Variants in MON2 observed in about 807,000 individuals in gnomAD.
MON2 encodes the protein MON2 regulator of endosome-to-Golgi trafficking.
MON2 carries 84 observed loss-of-function variants against 208.6 expected under a neutral mutation model. The observed-to-expected ratio is 0.40, with a 90% CI of 0.34 to 0.48. The LOEUF (loss-of-function observed/expected upper bound fraction) is 0.48. Among genes scored for constraint, MON2 ranks in the 20% least tolerant of loss-of-function variants. The probability of loss-of-function intolerance (pLI) is 0.59; values close to 1 mark genes in which losing one functional copy is unlikely to be tolerated. For missense variants in MON2, 1,611 were observed against 2,015.4 expected, an observed-to-expected ratio of 0.80 and a Z score of 3.84; for synonymous variants, 660 against 694.0, an observed-to-expected ratio of 0.95 and a Z score of 0.77.
chr12:62,502,558 A>T (rs890088674), intron 7 of MON2, among the ~76,000 whole-genome samples: 4 of 152,194 alleles, frequency 2.6e-5, no homozygotes. Context: ...ACAATCTATT[A>T]ATAGTCAGGT....
rs935079193 is a variant in MON2, at chr12:62,495,446, GA to G, written c.435+309del. Among the ~76,000 whole-genome samples the G allele has an allele frequency of 5.1e-3, 746 of 147,360 alleles. 9 individuals are homozygous for G. Among genetic ancestry groups the G allele is most frequent in the African/African-American group, 0.017 (701 of 40,358 alleles). On this transcript the variant is annotated intron_variant, in intron 4 of 34. Transcript: ENST00000393630. ...TAAGAATAGGGAAGGAGGGAACTAA[GA>G]AAAAAAAAACATGTTGTAAGATCAC...
intron 23 of MON2, among the ~76,000 whole-genome samples, chr12:62,552,191 A>G (rs7300518): frequency 0.85 from 129,858 of 151,994 alleles, 56,109 homozygotes; most frequent in African/African-American, 0.93. Context: ...TTGGGTATGC[A>G]GTGGGAGGTC....
At chr12:62,533,255 A>G (rs762958414) in intron 12 of MON2, among the ~76,000 whole-genome samples, 1 of 152,150 alleles carries the variant, frequency 6.6e-6, no homozygotes, top group Non-Finnish European at 1.5e-5. Flanking sequence ...TACAGTATCA[A>G]TTTGTGTCAT....
intron 22 of MON2, among the ~76,000 whole-genome samples, chr12:62,547,646 T>C (rs12227568): frequency 0.38 from 58,041 of 152,090 alleles, 11,412 homozygotes; most frequent in African/African-American, 0.47. Flanking sequence ...AGTGAGAAAG[T>C]ATAGTTATAC....
At chr12:62,490,099 CTGG>C (rs770564991) in intron 2 of MON2, 636 of 650,866 alleles carry the variant, frequency 9.8e-4, no homozygotes, top group Non-Finnish European at 1.2e-3. Context: ...ATATGGGGAC[CTGG>C]TGGACCTTTT....
intron 8 of MON2, among the ~76,000 whole-genome samples, chr12:62,510,334 G>GA (rs538937950): frequency 4.1e-5 from 6 of 148,082 alleles, no homozygotes; most frequent in Non-Finnish European, 6.0e-5. Context: ...ATACTACAAG[G>GA]AAAAAAAAAC....
intron 31 of MON2, 101 bp downstream of exon 31, chr12:62,578,606 A>AGGAACAGCTCCGGTCTAC: frequency 2.7e-6 from 2 of 732,658 alleles, no homozygotes; most frequent in Non-Finnish European, 4.3e-6. Flanking sequence ...GTAATAGGTT[A>AGGAACAGCTCCGGTCTAC]AGATTAAAAC....
intron 8 of MON2, among the ~76,000 whole-genome samples, chr12:62,513,521 C>T (rs1449932317): frequency 1.1e-4 from 17 of 152,160 alleles, no homozygotes; most frequent in South Asian, 8.3e-4. Flanking sequence ...CCACTGCGCC[C>T]GGCCTGGGAT....
rs1472187540 is a variant in MON2 at position 62,553,214 on chromosome 12, C to A, written c.3210+40C>A. The stretch of plus-strand genomic sequence containing the variant: ...ATTGGACTATCAGCTTTTAATGAGT[C>A]ATGCTTATATATTAATACTTTTTCA... On this transcript the variant is annotated intron_variant, in intron 24 of 34. Transcript: ENST00000393630. The A allele has an allele frequency of 3.3e-6, 5 of 1,523,770 alleles. No homozygotes were observed. The Admixed American group carries it at 8.9e-5, about 27-fold the overall frequency. The allele number at this position is 1,523,770 out of a possible 1,614,324, so 94.4% of individuals were successfully genotyped here.
chr12:62,499,771 G>A (rs919511290), intron 5 of MON2, among the ~76,000 whole-genome samples: 1 of 151,934 alleles, frequency 6.6e-6, no homozygotes, highest in Non-Finnish European at 1.5e-5. Flanking sequence ...TACTCCAGAG[G>A]CTGAGGCAGG....
chr12:62,580,384 A>G lies in MON2; in HGVS notation c.4663A>G (p.Lys1555Glu). 1 of 1,608,430 alleles carries G rather than the reference A, an allele frequency of 6.2e-7. No homozygotes were observed. Among genetic ancestry groups the G allele is most frequent in the Non-Finnish European group, 8.5e-7 (1 of 1,175,310 alleles). Residue 1555 changes from lysine (K) to glutamate (E), a missense_variant, in exon 32 of 35, where the codon AAG becomes GAG. By Grantham distance (56) the Lys-to-Glu change is moderately conservative. Transcript: ENST00000393630. Reference sequence around the variant, plus strand: ...TGGTCAAATAATGACAATGCTTAACAAGGGCTCAATACATTCTCAGTCATC... The same window carrying G: ...TGGTCAAATAATGACAATGCTTAACGAGGGCTCAATACATTCTCAGTCATC... ...FVGQIMTMLN[K>E]GSIHSQSSSF...
chr12:62,532,315 T>C, intron 11 of MON2, 123 bp from the exon 12 acceptor site: 1 of 713,138 alleles, frequency 1.4e-6, no homozygotes, highest in Non-Finnish European at 2.3e-6. Flanking sequence ...TTTGGTAATG[T>C]CCCTTTATTT....
Position 62,587,664 on chromosome 12 carries a change from C to T in MON2, c.4908-410C>T, listed in dbSNP as rs75868110. On this transcript the variant is annotated intron_variant, in intron 33 of 34. Transcript: ENST00000393630. ...AGGCTAAGTGGGAGGATCACTTGAG[C>T]GCAAGTCAAGGCTGCAGTGAGCTGT... 3.2e-3 allele frequency among the ~76,000 whole-genome samples: 479 copies of T among 152,048 alleles called. 5 individuals carry two copies. The highest frequency in any genetic ancestry group is 0.02 in the East Asian group (104 of 5,174).
Position 62,566,461 on chromosome 12 carries a change from T to A in MON2, c.4323+11T>A. ...CAGAATATTATTAAGGTATCTTTTT[T>A]TCATTTCTACACTTTCATTAGATGG... On this transcript the variant is annotated intron_variant, in intron 29 of 34. Coordinates refer to ENST00000393630, the MANE Select transcript of MON2 (RefSeq NM_015026.3). 6.2e-7 allele frequency: 1 copy of A among 1,607,492 alleles called. No individual in the cohort carries two copies. Among genetic ancestry groups the A allele is most frequent in the South Asian group, 1.1e-5 (1 of 89,678 alleles).
At chr12:62,526,558 AATC>A in intron 11 of MON2, among the ~76,000 whole-genome samples, 1 of 152,266 alleles carries the variant, frequency 6.6e-6, no homozygotes, top group Admixed American at 6.5e-5. Context: ...GTGCTTATCT[AATC>A]ATATTGTTAG....
intron 2 of MON2, among the ~76,000 whole-genome samples, chr12:62,491,688 A>G (rs1303143193): frequency 3.9e-5 from 6 of 152,186 alleles, no homozygotes; most frequent in African/African-American, 1.4e-4. Context: ...CTACCTACTT[A>G]CTATATCAGT....
intron 29 of MON2, among the ~76,000 whole-genome samples, chr12:62,567,618 C>T (rs189287240): frequency 1.4e-4 from 21 of 152,304 alleles, no homozygotes; most frequent in Admixed American, 5.9e-4. Context: ...TTGACTTTCA[C>T]GATACTTTTC....
At position 62,467,246 on chromosome 12, in the gene MON2, GCTGGAGAATATGCAGAGCGA is replaced by G; in HGVS notation, c.42_61del (p.Glu15AlafsTer19). 1 of 1,613,928 alleles carries G rather than the reference GCTGGAGAATATGCAGAGCGA, an allele frequency of 6.2e-7. No homozygotes were observed. Reference sequence around the variant, plus strand: ...GCAGCCCCGAGGCGGTGAAGAAGCTGCTGGAGAATATGCAGAGCGACTTGCGCGCCTTGTCACTGGAGTGC... The same window carrying G: ...GCAGCCCCGAGGCGGTGAAGAAGCTGCTTGCGCGCCTTGTCACTGGAGTGC... On this transcript the variant is annotated frameshift_variant, in exon 1 of 35. Coordinates refer to ENST00000393630, the MANE Select transcript of MON2 (RefSeq NM_015026.3). LOFTEE classifies it high-confidence loss of function.
At chr12:62,585,009 A>G (rs1471610056) in intron 32 of MON2, among the ~76,000 whole-genome samples, 1 of 148,318 alleles carries the variant, frequency 6.7e-6, no homozygotes, top group Non-Finnish European at 1.5e-5. Flanking sequence ...AATAGAAGTG[A>G]TGAGGATCTT....
Sources: allele counts gnomAD v4.1 joint callset (sites outside exome capture counted in the v4.1 genomes callset), GRCh38; gene constraint gnomAD v4.1.1; transcripts MANE v1.5; gene names NCBI Gene and HGNC (gene_info 2026-07-23, HGNC 2026-07-21).